Variants in MORC3 observed in about 807,000 individuals in gnomAD.
MORC3 encodes the protein MORC family CW-type zinc finger protein 3.
MORC3 carries 31 observed loss-of-function variants against 109.1 expected under a neutral mutation model. The ratio of observed to expected loss-of-function variants is 0.28; its 90% CI spans 0.21 to 0.38. The LOEUF (loss-of-function observed/expected upper bound fraction) is 0.38, where lower values mean the gene tolerates loss of function less well. MORC3 is among the 10% of genes least tolerant of loss of function. The pLI is 1.00. For synonymous variants in MORC3, 395 were observed against 380.7 expected, an observed-to-expected ratio of 1.04 and a Z score of -0.44; for missense variants, 867 against 1,135.8, an observed-to-expected ratio of 0.76 and a Z score of 3.40.
chr21:36,353,384 T>C (rs558338778), intron 9 of MORC3, among the ~76,000 whole-genome samples: 58 of 133,244 alleles, frequency 4.4e-4, no homozygotes, highest in African/African-American at 1.6e-3. Flanking sequence ...AAAAAAATCA[T>C]GGCCGGGTGC....
rs1252632007 is a variant in MORC3 at position 36,369,018 on chromosome 21, A to G, written c.1650A>G (p.Ser550=). Reference sequence around the variant, plus strand: ...AACGGAGACTTTCTACTCGTTCCTCAATTTTGAATGCAAAGAATCGGAGAT... The same window carrying G: ...AACGGAGACTTTCTACTCGTTCCTCGATTTTGAATGCAAAGAATCGGAGAT... ...SLKRRLSTRS[S]ILNAKNRRLS... is the part of the protein sequence containing the mutation. Residue 550 remains serine, a synonymous_variant, in exon 15 of 17, where the codon TCA becomes TCG. Transcript: ENST00000400485. The G allele has an allele frequency of 5.0e-6, 8 of 1,611,274 alleles. No homozygotes were observed. The Admixed American group carries it at 1.2e-4, about 24-fold the overall frequency.
At chr21:36,322,135 G>A (rs371507086) in intron 1 of MORC3, among the ~76,000 whole-genome samples, 1 of 152,124 alleles carries the variant, frequency 6.6e-6, no homozygotes, top group East Asian at 1.9e-4. Flanking sequence ...AAGGCTAAGA[G>A]TGATTTATAC....
At position 36,369,314 on chromosome 21, in the gene MORC3, T is replaced by A; in HGVS notation, c.1946T>A (p.Val649Asp). ...ATQTEVPSLV[V>D]KKEETVEDEI... ...CAGACTGAAGTACCAAGTTTAGTTG[T>A]TAAAAAAGAAGAAACTGTTGAAGAC... Residue 649 changes from valine to aspartate, a missense_variant, in exon 15 of 17, where the codon GTT becomes GAT. By Grantham distance (152) the Val-to-Asp change is radical (BLOSUM62 -3). Transcript: ENST00000400485. 6.2e-7 allele frequency: 1 copy of A among 1,614,052 alleles called. No individual in the cohort carries two copies. Among genetic ancestry groups the A allele is most frequent in the East Asian group, 2.2e-5 (1 of 44,874 alleles).
chr21:36,371,487 A>G (rs568296382), intron 15 of MORC3, among the ~76,000 whole-genome samples: 4 of 152,232 alleles, frequency 2.6e-5, no homozygotes, highest in African/African-American at 9.6e-5. Flanking sequence ...ACATTTGGGC[A>G]AAATCATCTA....
At position 36,362,239 on chromosome 21, in the gene MORC3, CTTCT is replaced by C; in HGVS notation, c.1452+14_1452+17del. The C allele has an allele frequency of 6.3e-7, 1 of 1,576,496 alleles. No homozygotes were observed. Among genetic ancestry groups the C allele is most frequent in the South Asian group, 1.2e-5 (1 of 84,024 alleles). Reference sequence around the variant, plus strand: ...GAAATGATCCCTCGGGTAATTAAGCCTTCTTTTTTTTTTTTTTTTTTAAATAGAG... The same window carrying C: ...GAAATGATCCCTCGGGTAATTAAGCCTTTTTTTTTTTTTTTTTAAATAGAG... On this transcript the variant is annotated intron_variant, in intron 13 of 16. Transcript: ENST00000400485.
chr21:36,321,501 C>T (rs2085193104), intron 1 of MORC3, among the ~76,000 whole-genome samples: 2 of 150,214 alleles, frequency 1.3e-5, no homozygotes. Context: ...ATTGAGTGAG[C>T]TAGGCTTTAG....
At chr21:36,359,883 G>T in intron 10 of MORC3, 72 bp from the exon 11 acceptor site, 1 of 1,559,492 alleles carries the variant, frequency 6.4e-7, no homozygotes, top group Non-Finnish European at 8.8e-7. Context: ...TGGTAGAAAT[G>T]ATGTGGAACA....
At position 36,356,606 on chromosome 21, in the gene MORC3, AT is replaced by A; in HGVS notation, c.1104-11del. ...AAAAGAATTTTTTCTTGATTTTATG[AT>A]TTACTTTTTAAGACTTACAATAACA... On this transcript the variant is annotated splice_polypyrimidine_tract_variant and intron_variant, in intron 9 of 16. Coordinates refer to ENST00000400485, the MANE Select transcript of MORC3 (RefSeq NM_015358.3). 1 of 1,389,264 alleles carries A rather than the reference AT, an allele frequency of 7.2e-7. No homozygotes were observed. Among genetic ancestry groups the A allele is most frequent in the Non-Finnish European group, 9.8e-7 (1 of 1,019,770 alleles). The allele number at this position is 1,389,264 out of a possible 1,614,324, so 86.1% of individuals were successfully genotyped here. A position where few individuals can be genotyped will look rare whatever the true frequency, so the allele number is the denominator to read the frequency against.
At position 36,356,691 on chromosome 21, in the gene MORC3, A is replaced by G; in HGVS notation, c.1175A>G (p.Glu392Gly). ...GAAATGAAAGTGAAGAAAAATACAG[A>G]ATATCCTCTAAATTTGCCAGTTGAA... ...WNEMKVKKNTEYPLNLPVEDI... is the reference protein window; with the variant it reads ...WNEMKVKKNTGYPLNLPVEDI... The change falls in exon 10 of 17, where the codon GAA (glutamate) becomes GGA (glycine). Residue 392 changes from glutamate (E) to glycine (G), a missense_variant. Around this residue, in one of 7 missense-constraint regions of MORC3, gnomAD observed 120 missense variants for 259.7 expected, o/e 0.46. Coordinates refer to ENST00000400485, the MANE Select transcript of MORC3 (RefSeq NM_015358.3). 3 of 1,599,694 alleles carry G rather than the reference A, an allele frequency of 1.9e-6. No homozygotes were observed. The highest frequency in any genetic ancestry group is 1.7e-6 in the Non-Finnish European group (2 of 1,173,560).
At position 36,338,675 on chromosome 21, in the gene MORC3, TATAA is replaced by T. The variant is rs1449698765; in HGVS notation, c.461-95_461-92del. 11 of 1,194,910 alleles carry T rather than the reference TATAA, an allele frequency of 9.2e-6. No individual in the cohort carries two copies. The African/African-American group carries it at 1.6e-4, about 17-fold the overall frequency. 74.0% of individuals were successfully genotyped at this position (1,194,910 alleles called of 1,614,324 possible). On this transcript the variant is annotated intron_variant, in intron 4 of 16. Transcript: ENST00000400485. ...AAAAAAAAAACCTTAGAAAATTATTTATAAATAGTTTTTCTGTTATTTAAGTTTA... is the reference window on the plus strand; with the variant it reads ...AAAAAAAAAACCTTAGAAAATTATTTATAGTTTTTCTGTTATTTAAGTTTA...
chr21:36,358,656 C>A (rs377639335), intron 10 of MORC3, among the ~76,000 whole-genome samples: 1 of 151,714 alleles, frequency 6.6e-6, no homozygotes, highest in African/African-American at 2.4e-5. Context: ...TATACAAGTT[C>A]TTTACAGGAA....
At chr21:36,332,225 A>G (rs2085324673) in intron 1 of MORC3, among the ~76,000 whole-genome samples, 1 of 151,896 alleles carries the variant, frequency 6.6e-6, no homozygotes, top group Non-Finnish European at 1.5e-5. Flanking sequence ...ACTTGAGGCC[A>G]GGAGTTTGAG....
At chr21:36,375,045 A>C (rs2085914632) in intron 16 of MORC3, 98 bp from the exon 17 acceptor site, 1 of 1,254,846 alleles carries the variant, frequency 8.0e-7, no homozygotes, top group Non-Finnish European at 1.1e-6. Flanking sequence ...ATTGTATATT[A>C]TTCTACGGAG....
At chr21:36,354,099 A>T (rs562179179) in intron 9 of MORC3, among the ~76,000 whole-genome samples, 3 of 151,692 alleles carry the variant, frequency 2.0e-5, no homozygotes, top group Admixed American at 6.6e-5. Flanking sequence ...CAAAAACAAA[A>T]TCATAAGGAA....
chr21:36,338,036 C>A, intron 4 of MORC3, 90 bp downstream of exon 4: 1 of 1,303,986 alleles, frequency 7.7e-7, no homozygotes, highest in Non-Finnish European at 1.1e-6. Context: ...CCAGATTATT[C>A]CCTTTGAATA....
intron 6 of MORC3, among the ~76,000 whole-genome samples, chr21:36,342,308 T>G (rs1353050712): frequency 6.6e-6 from 1 of 152,182 alleles, no homozygotes; most frequent in East Asian, 1.9e-4. Flanking sequence ...AAGCAATAAA[T>G]TATAGACTAT....
At chr21:36,361,312 G>A (rs2085711967) in intron 12 of MORC3, among the ~76,000 whole-genome samples, 1 of 151,850 alleles carries the variant, frequency 6.6e-6, no homozygotes, top group South Asian at 2.1e-4. Flanking sequence ...GGGAGACTGA[G>A]GTGGGTGGAT....
Position 36,333,888 on chromosome 21 carries a change from T to G in MORC3, c.112+170T>G, listed in dbSNP as rs372950679. ...AGCTCTGCCTCCTGGGTACACGCTATTCTCCTGCCTCAGCCTCCTGAGTAG... is the reference window on the plus strand; with the variant it reads ...AGCTCTGCCTCCTGGGTACACGCTAGTCTCCTGCCTCAGCCTCCTGAGTAG... On this transcript the variant is annotated intron_variant, in intron 2 of 16. Transcript: ENST00000400485. Among the ~76,000 whole-genome samples, 112 of 151,840 alleles carry G rather than the reference T, an allele frequency of 7.4e-4. 1 individual carries two copies. The highest frequency in any genetic ancestry group is 2.7e-3 in the African/African-American group (111 of 41,476).
chr21:36,326,687 TTTGAC>T (rs1007054721), intron 1 of MORC3, among the ~76,000 whole-genome samples: 1 of 152,208 alleles, frequency 6.6e-6, no homozygotes, highest in Non-Finnish European at 1.5e-5. Flanking sequence ...TTATACAATA[TTTGAC>T]TTGTGACTGC....
Sources: allele counts gnomAD v4.1 joint callset (sites outside exome capture counted in the v4.1 genomes callset), GRCh38; gene constraint gnomAD v4.1.1; regional missense constraint gnomAD v4.1.1; transcripts MANE v1.5; gene names NCBI Gene and HGNC (gene_info 2026-07-23, HGNC 2026-07-21).